CDHR3: variants seen among roughly 807,000 people sequenced by gnomAD.
The protein encoded by CDHR3 is cadherin related family member 3, also known as cadherin-related family member 3.
Under a neutral mutation model 86.6 loss-of-function variants are expected in CDHR3, and 79 were observed. That is an observed-to-expected ratio of 0.91 (90% CI 0.76 to 1.10). The LOEUF is 1.10. Ranked by LOEUF, CDHR3 falls within the 50% of genes least tolerant of loss-of-function variation. The probability of loss-of-function intolerance (pLI) is 0.00; values close to 1 mark genes in which losing one functional copy is unlikely to be tolerated. For missense variants in CDHR3, 1,081 were observed against 1,077.6 expected (o/e 1.00, Z -0.04); for synonymous variants, 421 against 402.4 (o/e 1.05, Z -0.55).
chr7:106,008,381 A>C (rs1304681724), intron 8 of CDHR3, among the ~76,000 whole-genome samples: 2 of 151,996 alleles, frequency 1.3e-5, no homozygotes, highest in African/African-American at 2.4e-5. Context: ...TGCTTCCTCC[A>C]CTGGCTTCCC....
At position 105,984,281 on chromosome 7, in the gene CDHR3, C is replaced by T. The variant is rs747924083; in HGVS notation, c.505C>T (p.Pro169Ser). 3 of 1,609,520 alleles carry T rather than the reference C, an allele frequency of 1.9e-6. No individual in the cohort carries two copies. The highest frequency in any genetic ancestry group is 1.7e-4 in the Middle Eastern group (1 of 6,038). The change falls in exon 4 of 19, where the codon CCC becomes TCC. Residue 169 changes from proline (P) to serine (S), a missense_variant. Transcript: ENST00000317716. ...FDPEDTSRNI[P>S]LSYFLISPPK... is the part of the protein sequence containing the mutation. Reference sequence around the variant, plus strand: ...TCCAGAAGACACAAGCCGAAACATTCCCCTCAGTGTAAGTGTCCTTATATG... The same window carrying T: ...TCCAGAAGACACAAGCCGAAACATTTCCCTCAGTGTAAGTGTCCTTATATG...
chr7:105,985,677 CCATT>C (rs886724601), intron 4 of CDHR3, among the ~76,000 whole-genome samples: 22 of 152,078 alleles, frequency 1.4e-4, no homozygotes, highest in African/African-American at 4.8e-4. Flanking sequence ...AAAAAATCAC[CCATT>C]CATTCATTAA....
rs571113375 is a variant in CDHR3, at chr7:106,028,616, A to G, written c.2304+34A>G. 3.7e-6 allele frequency: 6 copies of G among 1,612,874 alleles called. No homozygotes were observed. In the South Asian group the frequency reaches 6.6e-5, roughly 18 times the overall value. ...GGGCAGTGTGGGGCACCAGGCATAGACGCTGGGGGATAGGGGCTCCCGTCT... is the reference window on the plus strand; with the variant it reads ...GGGCAGTGTGGGGCACCAGGCATAGGCGCTGGGGGATAGGGGCTCCCGTCT... On this transcript the variant is annotated intron_variant, in intron 17 of 18. Coordinates refer to ENST00000317716, the MANE Select transcript of CDHR3 (RefSeq NM_152750.5).
intron 15 of CDHR3, among the ~76,000 whole-genome samples, chr7:106,025,988 G>C (rs938007463): frequency 6.6e-6 from 1 of 152,188 alleles, no homozygotes; most frequent in Non-Finnish European, 1.5e-5. Context: ...CAACTCTCAT[G>C]TAATTTATGG....
In CDHR3 at chr7:105,969,429, T is replaced by C. The variant is rs112821889; in HGVS notation, c.47-5415T>C. Among the ~76,000 whole-genome samples the C allele has an allele frequency of 5.8e-3, 866 of 150,490 alleles. 14 individuals are homozygous for C. Among genetic ancestry groups the C allele is most frequent in the African/African-American group, 0.02 (825 of 41,022 alleles). ...AAAAAAAAAAAAAAAAAGTGTTTCG[T>C]TGTAACCGTGGGTCCTAGGAGTTTC... is the stretch of plus-strand genomic sequence containing the variant. On this transcript the variant is annotated intron_variant, in intron 1 of 18. Transcript: ENST00000317716.
chr7:105,981,504 C>G (rs951355901), intron 3 of CDHR3, among the ~76,000 whole-genome samples: 5 of 152,162 alleles, frequency 3.3e-5, no homozygotes, highest in Non-Finnish European at 5.9e-5. Context: ...ACTCTGACTT[C>G]TTGAGGGCAG....
At chr7:105,977,304 G>A (rs372693476) in intron 2 of CDHR3, among the ~76,000 whole-genome samples, 1 of 152,192 alleles carries the variant, frequency 6.6e-6, no homozygotes, top group Non-Finnish European at 1.5e-5. Context: ...TGCCATGTAT[G>A]TCTATCGCTG....
intron 16 of CDHR3, 116 bp from the exon 17 acceptor site, chr7:106,028,435 G>C (rs149521684): frequency 8.9e-7 from 1 of 1,119,402 alleles, no homozygotes; most frequent in Non-Finnish European, 1.3e-6. Flanking sequence ...ATTCTTTGCT[G>C]TGTCTGCAAG....
chr7:105,993,677 CAAAAAAAAA>C (rs55787798), intron 4 of CDHR3, among the ~76,000 whole-genome samples: 5 of 91,788 alleles, frequency 5.4e-5, no homozygotes, highest in African/African-American at 1.3e-4. Context: ...CTCTGTCTCA[CAAAAAAAAA>C]AAAAAAAAAA....
chr7:106,029,054 A>G (rs1338185840), intron 17 of CDHR3, among the ~76,000 whole-genome samples: 1 of 150,366 alleles, frequency 6.7e-6, no homozygotes, highest in Non-Finnish European at 1.5e-5. Context: ...ATCTCGGCTC[A>G]CTGCAACCTC....
Position 106,004,499 on chromosome 7 carries a change from G to A in CDHR3, c.864G>A (p.Leu288=), listed in dbSNP as rs1449594462. The A allele has an allele frequency of 1.2e-6, 2 of 1,613,668 alleles. No homozygotes were observed. Among genetic ancestry groups the A allele is most frequent in the Admixed American group, 1.7e-5 (1 of 59,994 alleles). The stretch of plus-strand genomic sequence containing the variant: ...ACGTTCTAACCTTTGCTTTCTCAGT[G>A]ACTGGTACAATCCAAGTGGCCCAAA... ...TVSKYFMINQ[L]TGTIQVAQRI... Residue 288 remains leucine (L), a splice_region_variant and synonymous_variant, in exon 8 of 19, where the codon TTG becomes TTA. Coordinates refer to ENST00000317716, the MANE Select transcript of CDHR3 (RefSeq NM_152750.5).
chr7:106,015,812 C>T, intron 10 of CDHR3, 115 bp from the exon 11 acceptor site: 1 of 785,032 alleles, frequency 1.3e-6, no homozygotes, highest in South Asian at 1.5e-5. Flanking sequence ...ATGTCTTAGC[C>T]ACCTGGTATC....
At chr7:106,001,328 C>A in intron 6 of CDHR3, 134 bp from the exon 7 acceptor site, 1 of 866,176 alleles carries the variant, frequency 1.2e-6, no homozygotes, top group Non-Finnish European at 1.8e-6. Context: ...CACTGCTGTG[C>A]TCTCCCTCTG....
intron 2 of CDHR3, among the ~76,000 whole-genome samples, chr7:105,980,058 G>A (rs1053836396): frequency 1.3e-5 from 2 of 152,196 alleles, no homozygotes; most frequent in Non-Finnish European, 2.9e-5. Flanking sequence ...TACTGATAGT[G>A]CAGACAACAA....
At chr7:105,994,038 A>T (rs1370921189) in intron 4 of CDHR3, among the ~76,000 whole-genome samples, 1 of 152,210 alleles carries the variant, frequency 6.6e-6, no homozygotes, top group South Asian at 2.1e-4. Flanking sequence ...GAATCCCTAA[A>T]CTGGCTTCCA....
Position 105,984,208 on chromosome 7 carries a change from A to C in CDHR3, c.432A>C (p.Ile144=). 6.2e-7 allele frequency: 1 copy of C among 1,607,828 alleles called. No homozygotes were observed. Among genetic ancestry groups the C allele is most frequent in the Non-Finnish European group, 8.5e-7 (1 of 1,175,704 alleles). The part of the protein sequence containing the change: ...GNLAEGLHLY[I]VERANPGFIY... ...CTGGTCTAGGTCTACACCTCTACAT[A>C]GTAGAAAGAGCAAACCCTGGATTCA... The change falls in exon 4 of 19, where the codon ATA becomes ATC. Residue 144 remains isoleucine, a synonymous_variant. Coordinates refer to ENST00000317716, the MANE Select transcript of CDHR3 (RefSeq NM_152750.5).
At position 106,024,545 on chromosome 7, in the gene CDHR3, G is replaced by A. The variant is rs918370308; in HGVS notation, c.2241G>A (p.Gly747=). 2 of 1,613,904 alleles carry A rather than the reference G, an allele frequency of 1.2e-6. No individual in the cohort carries two copies. The highest frequency in any genetic ancestry group is 8.5e-7 in the Non-Finnish European group (1 of 1,179,896). ...ACAGACACTGCCCCTGCAAGACTGGGAAGAACAAGGAACCTCTGTAAGTTG... is the reference window on the plus strand; with the variant it reads ...ACAGACACTGCCCCTGCAAGACTGGAAAGAACAAGGAACCTCTGTAAGTTG... ...AIHRHCPCKT[G]KNKEPLTKKG... The change falls in exon 15 of 19, where the codon GGG becomes GGA. Residue 747 remains glycine, a synonymous_variant. Transcript: ENST00000317716.
chr7:105,993,479 G>T (rs1315664575), intron 4 of CDHR3, among the ~76,000 whole-genome samples: 4 of 151,642 alleles, frequency 2.6e-5, no homozygotes, highest in Admixed American at 2.6e-4. Context: ...AGCCCAGCCT[G>T]GGCAACATGG....
intron 4 of CDHR3, among the ~76,000 whole-genome samples, chr7:105,986,133 C>T (rs531778193): frequency 6.6e-6 from 1 of 152,174 alleles, no homozygotes; most frequent in East Asian, 1.9e-4. Context: ...CCCAATCTGT[C>T]CCTTTTTTTA....
Sources: allele counts gnomAD v4.1 joint callset (sites outside exome capture counted in the v4.1 genomes callset), GRCh38; gene constraint gnomAD v4.1.1; transcripts MANE v1.5; gene names NCBI Gene and HGNC (gene_info 2026-07-23, HGNC 2026-07-21).